LYST: variants seen among roughly 807,000 people sequenced by gnomAD.
The protein encoded by LYST is lysosomal-trafficking regulator.
A neutral mutation model predicts 413.6 loss-of-function variants in LYST; 192 were observed. That is an observed-to-expected ratio of 0.46 (90% CI 0.41 to 0.52). The LOEUF is 0.52. Ranked by LOEUF, LYST falls within the 20% of genes least tolerant of loss-of-function variation. LYST has a pLI of 0.00. For synonymous variants in LYST, 1,525 were observed against 1,567.3 expected (o/e 0.97, Z 0.64); for missense variants, 3,815 against 4,499.9 (o/e 0.85, Z 4.35).
chr1:235,792,161 C>T, intron 11 of LYST, 36 bp from the exon 12 acceptor site: 1 of 1,355,868 alleles, frequency 7.4e-7, no homozygotes, highest in Non-Finnish European at 1.0e-6. Flanking sequence ...ACTTTCTAAT[C>T]ACGTAATAAA....
At chr1:235,737,934 G>GA in intron 31 of LYST, 1 of 1,171,146 alleles carries the variant, frequency 8.5e-7, no homozygotes, top group Non-Finnish European at 1.1e-6. Context: ...TCTCACTGCC[G>GA]CGTGCCCCAA....
At chr1:235,822,517 T>C (rs1271887248) in intron 3 of LYST, among the ~76,000 whole-genome samples, 1 of 152,168 alleles carries the variant, frequency 6.6e-6, no homozygotes, top group Non-Finnish European at 1.5e-5. Context: ...AATTACTACA[T>C]GTGAAAGCCT....
chr1:235,828,715 T>C (rs759434385), intron 3 of LYST: 112 of 891,572 alleles, frequency 1.3e-4, no homozygotes, highest in South Asian at 1.0e-4. Context: ...AGACAAAGCA[T>C]TGAATTTTTT....
At chr1:235,814,415 C>A (rs187814471) in intron 3 of LYST, among the ~76,000 whole-genome samples, 1 of 151,980 alleles carries the variant, frequency 6.6e-6, no homozygotes, top group Non-Finnish European at 1.5e-5. Flanking sequence ...CAATAGAAGA[C>A]CATCAAGAAT....
upstream of LYST, among the ~76,000 whole-genome samples, chr1:235,868,990 T>G (rs981413969): frequency 6.6e-6 from 1 of 152,062 alleles, no homozygotes; most frequent in African/African-American, 2.4e-5. Context: ...ACACCGCTCC[T>G]GGCCTCGGTT....
intron 50 of LYST, among the ~76,000 whole-genome samples, chr1:235,670,830 C>T (rs1658879721): frequency 6.6e-6 from 1 of 152,172 alleles, no homozygotes; most frequent in Non-Finnish European, 1.5e-5. Flanking sequence ...TGCAAGAAAT[C>T]TCTAGTAAGA....
intron 42 of LYST, 177 bp from the exon 43 acceptor site, chr1:235,712,374 G>T: frequency 1.8e-6 from 1 of 550,400 alleles, no homozygotes; most frequent in Non-Finnish European, 3.1e-6. Context: ...ATAAACTTGA[G>T]ATCATATTAC....
intron 2 of LYST, among the ~76,000 whole-genome samples, chr1:235,833,260 T>C (rs543401579): frequency 6.6e-6 from 1 of 152,264 alleles, no homozygotes; most frequent in East Asian, 1.9e-4. Context: ...CACGGTATTT[T>C]CTTTAAATTT....
chr1:235,792,160 T>G, intron 11 of LYST, 35 bp from the exon 12 acceptor site: 2 of 1,363,806 alleles, frequency 1.5e-6, no homozygotes, highest in Non-Finnish European at 2.1e-6. Context: ...AACTTTCTAA[T>G]CACGTAATAA....
chr1:235,838,786 A>C (rs914779785), intron 1 of LYST, among the ~76,000 whole-genome samples: 1 of 152,020 alleles, frequency 6.6e-6, no homozygotes, highest in South Asian at 2.1e-4. Flanking sequence ...TTGGGCTTCA[A>C]TTTTCTCCTC....
At chr1:235,804,727 AAAAT>A (rs1347294441) in intron 6 of LYST, 62 bp from the exon 7 acceptor site, 4 of 968,158 alleles carry the variant, frequency 4.1e-6, no homozygotes, top group Non-Finnish European at 4.8e-6. Context: ...AAATGATGAA[AAAAT>A]AAATAATAAA....
At chr1:235,799,460 G>T (rs1671947564) in intron 10 of LYST, among the ~76,000 whole-genome samples, 2 of 152,122 alleles carry the variant, frequency 1.3e-5, no homozygotes, top group South Asian at 4.1e-4. Flanking sequence ...GTAAGATCCA[G>T]ATATCATAAG....
chr1:235,710,907 A>C (rs938249207), intron 43 of LYST, among the ~76,000 whole-genome samples: 1 of 152,154 alleles, frequency 6.6e-6, no homozygotes, highest in Admixed American at 6.5e-5. Flanking sequence ...GAGAGACCAC[A>C]TGAAAAAACA....
intron 19 of LYST, among the ~76,000 whole-genome samples, chr1:235,771,976 A>C (rs575558486): frequency 5.7e-5 from 7 of 122,806 alleles, no homozygotes; most frequent in African/African-American, 1.9e-4. Flanking sequence ...GTATCCCAGC[A>C]CTTTGGGAGG....
intron 46 of LYST, among the ~76,000 whole-genome samples, chr1:235,694,000 CTCT>C (rs542273894): frequency 4.9e-4 from 68 of 137,646 alleles, no homozygotes; most frequent in Non-Finnish European, 8.2e-4. Context: ...CTCTGTTCTT[CTCT>C]TCTTCTTCTT....
intron 1 of LYST, among the ~76,000 whole-genome samples, chr1:235,845,594 T>C (rs536491716): frequency 5.9e-5 from 9 of 151,528 alleles, no homozygotes; most frequent in Admixed American, 1.3e-4. Context: ...CTCGGGGAAG[T>C]TTTCAAGCCC....
intron 42 of LYST, 93 bp downstream of exon 42, chr1:235,715,108 T>C (rs1662718694): frequency 1.8e-6 from 2 of 1,112,712 alleles, no homozygotes; most frequent in African/African-American, 1.5e-5. Context: ...TTAGTCTTAA[T>C]AGTTCTTAAA....
intron 50 of LYST, among the ~76,000 whole-genome samples, chr1:235,673,038 A>T (rs1659077245): frequency 6.6e-6 from 1 of 152,182 alleles, no homozygotes; most frequent in Non-Finnish European, 1.5e-5. Context: ...GCTCGAGCCC[A>T]TCTGGGAAGG....
chr1:235,785,040 G>A (rs1445335342), intron 14 of LYST, among the ~76,000 whole-genome samples: 4 of 152,166 alleles, frequency 2.6e-5, no homozygotes, highest in African/African-American at 9.7e-5. Context: ...CAATCCACAA[G>A]CTCCTGCTCC....
Sources: allele counts gnomAD v4.1 joint callset (sites outside exome capture counted in the v4.1 genomes callset), GRCh38; gene constraint gnomAD v4.1.1; transcripts MANE v1.5; gene names NCBI Gene and HGNC (gene_info 2026-07-23, HGNC 2026-07-21).